Variants in TESPA1 observed in about 807,000 individuals in gnomAD.
TESPA1 encodes the protein protein TESPA1.
TESPA1 carries 33 observed loss-of-function variants against 57.9 expected under a neutral mutation model. The ratio of observed to expected loss-of-function variants is 0.57; its 90% CI spans 0.43 to 0.76. TESPA1 has a LOEUF of 0.76. Among genes scored for constraint, TESPA1 ranks in the 30% least tolerant of loss-of-function variants. TESPA1 has a pLI of 0.00. For synonymous variants in TESPA1, 227 were observed against 228.9 expected (o/e 0.99, Z 0.07); for missense variants, 618 against 632.9 (o/e 0.98, Z 0.25).
rs1054975114 is a variant in TESPA1 at position 54,949,509 on chromosome 12, G to C, written c.*883C>G. 6.6e-6 allele frequency: 1 copy of C among 151,734 alleles called. No individual in the cohort carries two copies. The highest frequency in any genetic ancestry group is 1.9e-4 in the East Asian group (1 of 5,180). 9.4% of individuals were successfully genotyped at this position (151,734 alleles called of 1,614,324 possible). ...TTTCTCAGGGGAGAAATGTGTCCAA[G>C]ATGCTCTGAAACCACATACTGCCTA... is the stretch of plus-strand genomic sequence containing the variant. On this transcript the variant is annotated 3_prime_UTR_variant, in exon 11 of 11. Coordinates refer to ENST00000449076, the MANE Select transcript of TESPA1 (RefSeq NM_001136030.3).
chr12:54,953,343 G>A (rs1288357601), intron 10 of TESPA1, among the ~76,000 whole-genome samples: 1 of 151,960 alleles, frequency 6.6e-6, no homozygotes, highest in Non-Finnish European at 1.5e-5. Flanking sequence ...CTAGGCATAA[G>A]GTGTAGTTTC....
intron 2 of TESPA1, among the ~76,000 whole-genome samples, chr12:54,974,124 A>G (rs1311892756): frequency 6.6e-6 from 1 of 152,228 alleles, no homozygotes; most frequent in Non-Finnish European, 1.5e-5. Flanking sequence ...CAAAGCATTC[A>G]TAGAGAGCCC....
intron 10 of TESPA1, among the ~76,000 whole-genome samples, chr12:54,959,563 C>G (rs1206037595): frequency 6.6e-6 from 1 of 152,238 alleles, no homozygotes; most frequent in Non-Finnish European, 1.5e-5. Context: ...CCATGCTGAG[C>G]ATCCAGTAAT....
intron 3 of TESPA1, among the ~76,000 whole-genome samples, chr12:54,969,958 G>A (rs1473533718): frequency 6.6e-6 from 1 of 152,084 alleles, no homozygotes; most frequent in Non-Finnish European, 1.5e-5. Context: ...TGTTGACAGG[G>A]TCTCACTCTG....
intron 7 of TESPA1, among the ~76,000 whole-genome samples, chr12:54,964,800 C>G (rs1951320779): frequency 6.6e-6 from 1 of 152,212 alleles, no homozygotes; most frequent in Non-Finnish European, 1.5e-5. Flanking sequence ...CTAAGTTTCC[C>G]TATCTGTGAA....
chr12:54,984,180 G>A (rs745805016), intron 1 of TESPA1: 5 of 152,138 alleles, frequency 3.3e-5, no homozygotes, highest in Non-Finnish European at 5.9e-5. Context: ...AAATGAAACC[G>A]GGAAACTTCT....
intron 3 of TESPA1, 169 bp from the exon 4 acceptor site, chr12:54,968,061 A>T (rs1354292872): frequency 2.0e-6 from 3 of 1,504,666 alleles, no homozygotes; most frequent in Non-Finnish European, 8.9e-7. Flanking sequence ...TGTCTGAAAA[A>T]TTCATAGAAG....
chr12:54,976,608 A>G (rs1952148172), intron 1 of TESPA1, among the ~76,000 whole-genome samples: 1 of 152,202 alleles, frequency 6.6e-6, no homozygotes, highest in Non-Finnish European at 1.5e-5. Context: ...CTGCCACTTC[A>G]AATGGTATAA....
At position 54,982,579 on chromosome 12, in the gene TESPA1, GA is replaced by G. The variant is rs553158498; in HGVS notation, c.-46+2005del. ...AGGAAATATTAAAGTTGTGGATTTG[GA>G]AAAAAAATTAATCGCTTGTTCTCAA... On this transcript the variant is annotated intron_variant, in intron 1 of 10. Transcript: ENST00000449076. Among the ~76,000 whole-genome samples the G allele has an allele frequency of 4.4e-3, 673 of 152,018 alleles. 3 individuals carry two copies. The highest frequency in any genetic ancestry group is 0.02 in the Middle Eastern group (6 of 294).
chr12:54,963,724 C>G lies in TESPA1; in HGVS notation c.655+18G>C. The G allele has an allele frequency of 6.2e-7, 1 of 1,604,976 alleles. No individual in the cohort carries two copies. The highest frequency in any genetic ancestry group is 8.5e-7 in the Non-Finnish European group (1 of 1,176,018). ...AAGGAAAAGGGAAGTAGAGCAGGTG[C>G]CTGGGAGGGACACTCACTGGCCAGC... On this transcript the variant is annotated intron_variant, in intron 8 of 10. Transcript: ENST00000449076.
At chr12:54,984,393 A>G (rs773500167) in intron 1 of TESPA1, among the ~76,000 whole-genome samples, 192 bp downstream of exon 1, 2 of 152,202 alleles carry the variant, frequency 1.3e-5, no homozygotes, top group Non-Finnish European at 2.9e-5. Context: ...AACGAAAGCA[A>G]AAGGGCACCC....
intron 2 of TESPA1, 144 bp from the exon 3 acceptor site, chr12:54,973,663 G>A: frequency 6.7e-7 from 1 of 1,495,590 alleles, no homozygotes; most frequent in Non-Finnish European, 8.9e-7. Flanking sequence ...TTTAAGATAT[G>A]AGAGGAATAC....
chr12:54,980,414 G>A (rs952441716), intron 1 of TESPA1, among the ~76,000 whole-genome samples: 13 of 152,232 alleles, frequency 8.5e-5, no homozygotes, highest in African/African-American at 3.1e-4. Flanking sequence ...GTTGGGAGGA[G>A]AGAATCTGCC....
upstream of TESPA1, among the ~76,000 whole-genome samples, chr12:54,984,982 G>A (rs1322237968): frequency 6.6e-6 from 1 of 152,224 alleles, no homozygotes; most frequent in East Asian, 1.9e-4. Context: ...TCCATTTAAA[G>A]AGGTGTGTGC....
chr12:54,956,203 G>T (rs781013484), intron 10 of TESPA1, among the ~76,000 whole-genome samples: 1 of 152,094 alleles, frequency 6.6e-6, no homozygotes, highest in African/African-American at 2.4e-5. Flanking sequence ...CCACCATTTG[G>T]GGGTATCTCA....
intron 1 of TESPA1, among the ~76,000 whole-genome samples, chr12:54,980,163 T>C (rs1952261028): frequency 6.6e-6 from 1 of 152,240 alleles, no homozygotes; most frequent in Non-Finnish European, 1.5e-5. Context: ...GAAGTTATTT[T>C]AGTAAATTCT....
chr12:54,973,410 G>A (rs1416294067), intron 3 of TESPA1, 67 bp downstream of exon 3: 2 of 1,605,106 alleles, frequency 1.2e-6, no homozygotes, highest in East Asian at 2.2e-5. Context: ...TGAGTTTCCA[G>A]GAGTTGTGTC....
intron 2 of TESPA1, among the ~76,000 whole-genome samples, chr12:54,974,104 A>G (rs1476517597): frequency 6.6e-6 from 1 of 152,250 alleles, no homozygotes; most frequent in Non-Finnish European, 1.5e-5. Flanking sequence ...CAGACAAAAT[A>G]GAAACACCCC....
chr12:54,964,265 C>T (rs533619628), intron 7 of TESPA1, among the ~76,000 whole-genome samples: 114 of 152,292 alleles, frequency 7.5e-4, no homozygotes, highest in Non-Finnish European at 1.4e-3. Flanking sequence ...AGCATAGATA[C>T]AAATAAATTT....
Sources: allele counts gnomAD v4.1 joint callset (sites outside exome capture counted in the v4.1 genomes callset), GRCh38; gene constraint gnomAD v4.1.1; transcripts MANE v1.5; gene names NCBI Gene and HGNC (gene_info 2026-07-23, HGNC 2026-07-21).